STK38L: variants seen among roughly 807,000 people sequenced by gnomAD.
STK38L encodes the protein serine/threonine kinase 38 like, also known as serine/threonine-protein kinase 38-like.
In STK38L, 28 loss-of-function variants were observed where a neutral mutation model predicts 59.7. The observed-to-expected ratio is 0.47, with a 90% CI of 0.35 to 0.64. The LOEUF (loss-of-function observed/expected upper bound fraction) is 0.64, where lower values mean the gene tolerates loss of function less well. Among genes scored for constraint, STK38L ranks in the 30% least tolerant of loss-of-function variants. The probability of loss-of-function intolerance (pLI) is 0.01; values close to 1 mark genes in which losing one functional copy is unlikely to be tolerated. For synonymous variants in STK38L, 162 were observed against 176.8 expected (o/e 0.92, Z 0.66); for missense variants, 314 against 555.8 (o/e 0.56, Z 4.37).
intron 1 of STK38L, among the ~76,000 whole-genome samples, chr12:27,286,040 A>G (rs181299483): frequency 6.6e-6 from 1 of 152,316 alleles, no homozygotes; most frequent in East Asian, 1.9e-4. Flanking sequence ...AAAGCTCAAG[A>G]TATGACTGGA....
intron 8 of STK38L, 41 bp downstream of exon 8, chr12:27,315,158 A>G: frequency 6.3e-7 from 1 of 1,590,028 alleles, no homozygotes; most frequent in Admixed American, 1.7e-5. Context: ...CCTGGTTAAG[A>G]TACTGTAGAG....
In STK38L at chr12:27,322,642, CTT is replaced by C; in HGVS notation, c.*194_*195del. 1.7e-6 allele frequency: 1 copy of C among 573,394 alleles called. No homozygotes were observed. Among genetic ancestry groups the C allele is most frequent in the East Asian group, 3.5e-5 (1 of 28,642 alleles). 35.5% of individuals were successfully genotyped at this position (573,394 alleles called of 1,614,324 possible). A position where few individuals can be genotyped will look rare whatever the true frequency, so the allele number is the denominator to read the frequency against. ...AATTGGTTGGCAGTGCCAGCTGGCTCTTTTTTTTAATATTTTATTATTTTTGT... is the reference window on the plus strand; with the variant it reads ...AATTGGTTGGCAGTGCCAGCTGGCTCTTTTTTAATATTTTATTATTTTTGT... On this transcript the variant is annotated 3_prime_UTR_variant, in exon 14 of 14. Transcript: ENST00000389032.
intron 1 of STK38L, among the ~76,000 whole-genome samples, chr12:27,257,088 T>C (rs1415091316): frequency 6.6e-6 from 1 of 152,208 alleles, no homozygotes; most frequent in Non-Finnish European, 1.5e-5. Context: ...TACTTATAGT[T>C]AGCAAGTGAT....
Position 27,322,843 on chromosome 12 carries a change from G to A in STK38L, c.*388G>A, listed in dbSNP as rs1944764047. On this transcript the variant is annotated 3_prime_UTR_variant, in exon 14 of 14. Transcript: ENST00000389032. ...CATTTAAAGCAACATAGGCTAACCTGTAGGTAACACTGCAGTATTGATGTT... is the reference window on the plus strand; with the variant it reads ...CATTTAAAGCAACATAGGCTAACCTATAGGTAACACTGCAGTATTGATGTT... The A allele has an allele frequency of 6.3e-6, 1 of 159,896 alleles. No individual in the cohort carries two copies. The highest frequency in any genetic ancestry group is 1.4e-5 in the Non-Finnish European group (1 of 73,350). The allele number at this position is 159,896 out of a possible 1,614,324, so 9.9% of individuals were successfully genotyped here.
At chr12:27,282,355 A>G (rs866505762) in intron 1 of STK38L, among the ~76,000 whole-genome samples, 2 of 152,210 alleles carry the variant, frequency 1.3e-5, no homozygotes, top group Non-Finnish European at 2.9e-5. Context: ...AGCTATTTAA[A>G]ATGGCCTGTG....
At chr12:27,312,717 C>G (rs1156824481) in intron 6 of STK38L, 45 bp downstream of exon 6, 3 of 1,591,816 alleles carry the variant, frequency 1.9e-6, no homozygotes, top group East Asian at 2.2e-5. Flanking sequence ...ACAAGCACAT[C>G]TTTATATGCA....
chr12:27,254,961 G>A (rs1348094211), intron 1 of STK38L, among the ~76,000 whole-genome samples: 2 of 152,156 alleles, frequency 1.3e-5, no homozygotes, highest in Non-Finnish European at 2.9e-5. Context: ...GCCAAAAATG[G>A]CAGTTTCTTT....
At chr12:27,276,825 C>A (rs573616333) in intron 1 of STK38L, among the ~76,000 whole-genome samples, 4 of 152,294 alleles carry the variant, frequency 2.6e-5, no homozygotes, top group Admixed American at 1.3e-4. Context: ...TTTACCAAGT[C>A]TCTCCCTGTT....
At chr12:27,269,062 T>C (rs1943362536) in intron 1 of STK38L, among the ~76,000 whole-genome samples, 1 of 152,246 alleles carries the variant, frequency 6.6e-6, no homozygotes, top group Admixed American at 6.5e-5. Context: ...TTTCCCATTC[T>C]GTAGGTTGCC....
In STK38L at chr12:27,322,574, A is replaced by G; in HGVS notation, c.*119A>G. On this transcript the variant is annotated 3_prime_UTR_variant, in exon 14 of 14. Coordinates refer to ENST00000389032, the MANE Select transcript of STK38L (RefSeq NM_015000.4). ...AAGATGGTGGTGCTTATTGACTACA[A>G]GAGGAAATTCTACAGGATTAGGATT... 1 of 1,362,132 alleles carries G rather than the reference A, an allele frequency of 7.3e-7. No homozygotes were observed. Among genetic ancestry groups the G allele is most frequent in the Non-Finnish European group, 9.7e-7 (1 of 1,028,518 alleles). 84.4% of individuals were successfully genotyped at this position (1,362,132 alleles called of 1,614,324 possible).
intron 1 of STK38L, among the ~76,000 whole-genome samples, chr12:27,250,315 A>C (rs1235183460): frequency 6.6e-6 from 1 of 152,146 alleles, no homozygotes; most frequent in Non-Finnish European, 1.5e-5. Flanking sequence ...TTGATTCCTC[A>C]CCAATTCAAG....
rs746621114 is a variant in STK38L at position 27,319,357 on chromosome 12, G to C, written c.1109G>C (p.Gly370Ala). 1.2e-6 allele frequency: 2 copies of C among 1,612,856 alleles called. No homozygotes were observed. The highest frequency in any genetic ancestry group is 3.3e-5 in the Admixed American group (2 of 59,986). Residue 370 changes from glycine (G) to alanine (A), a missense_variant, in exon 12 of 14, where the codon GGA (glycine) becomes GCA (alanine). Physicochemically the swap from Gly to Ala is moderately conservative, Grantham distance 60 (BLOSUM62 0). Transcript: ENST00000389032. ...RFCIDSENRI[G>A]NSGVEEIKGH... is the part of the protein sequence containing the mutation. ...TGTATTGATTCTGAAAACAGAATTG[G>C]AAATAGTGGAGTAGAAGAAATAAAA...
chr12:27,266,167 T>G (rs2136613813), intron 1 of STK38L, among the ~76,000 whole-genome samples: 1 of 152,354 alleles, frequency 6.6e-6, no homozygotes, highest in African/African-American at 2.4e-5. Flanking sequence ...AGAAGTTAGC[T>G]TCCAAAAGAA....
At chr12:27,263,630 G>T (rs1943246852) in intron 1 of STK38L, among the ~76,000 whole-genome samples, 2 of 152,176 alleles carry the variant, frequency 1.3e-5, no homozygotes, top group Admixed American at 6.5e-5. Flanking sequence ...GCTTTGACTT[G>T]CCCAAATTGC....
chr12:27,301,335 T>G (rs1944165368), intron 2 of STK38L, among the ~76,000 whole-genome samples: 1 of 152,214 alleles, frequency 6.6e-6, no homozygotes, highest in Non-Finnish European at 1.5e-5. Flanking sequence ...CTTGGCTCAC[T>G]GCAACCTCCG....
chr12:27,287,179 C>T (rs900871431), intron 1 of STK38L, among the ~76,000 whole-genome samples: 16 of 150,446 alleles, frequency 1.1e-4, no homozygotes, highest in Admixed American at 3.3e-4. Flanking sequence ...CATCTTGGCT[C>T]ACTGCAACCT....
chr12:27,305,884 G>A (rs1019936024), intron 3 of STK38L, among the ~76,000 whole-genome samples: 7 of 152,182 alleles, frequency 4.6e-5, no homozygotes, highest in Non-Finnish European at 1.0e-4. Flanking sequence ...CTTTGAAGAG[G>A]AAAGGATGCA....
intron 1 of STK38L, among the ~76,000 whole-genome samples, chr12:27,273,840 G>A (rs950849556): frequency 6.6e-6 from 1 of 152,200 alleles, no homozygotes; most frequent in Non-Finnish European, 1.5e-5. Context: ...TTATTCAAAT[G>A]AAGATAATAT....
intron 3 of STK38L, among the ~76,000 whole-genome samples, chr12:27,307,510 G>T (rs1305991523): frequency 6.6e-6 from 1 of 152,200 alleles, no homozygotes; most frequent in Non-Finnish European, 1.5e-5. Flanking sequence ...ACCACTAAAA[G>T]CTTGGCAGGA....
Sources: gnomAD v4.1 joint callset for allele counts (sites outside exome capture counted in the v4.1 genomes callset) on GRCh38, gnomAD v4.1.1 for gene constraint, MANE v1.5 for transcripts, NCBI Gene and HGNC (gene_info 2026-07-23, HGNC 2026-07-21) for gene names.